Variants in LRRC2 observed in about 807,000 individuals in gnomAD.
LRRC2 encodes leucine rich repeat containing 2.
LRRC2 carries 27 observed loss-of-function variants against 40.2 expected under a neutral mutation model. The ratio of observed to expected loss-of-function variants is 0.67; its 90% CI spans 0.49 to 0.93. LRRC2 has a LOEUF of 0.93. LRRC2 is among the 40% of genes least tolerant of loss of function. The probability of loss-of-function intolerance (pLI) is 0.00; values close to 1 mark genes in which losing one functional copy is unlikely to be tolerated. For synonymous variants in LRRC2, 147 were observed against 158.9 expected, an observed-to-expected ratio of 0.92 and a Z score of 0.56; for missense variants, 402 against 439.6, an observed-to-expected ratio of 0.91 and a Z score of 0.76.
intron 3 of LRRC2, among the ~76,000 whole-genome samples, chr3:46,543,491 C>T (rs1238473762): frequency 6.6e-6 from 1 of 151,984 alleles, no homozygotes; most frequent in Non-Finnish European, 1.5e-5. Flanking sequence ...TGGCGGGTGC[C>T]TGTGGTCCCA....
chr3:46,519,146 A>C (rs187997330), intron 8 of LRRC2, 83 bp from the exon 9 acceptor site: 147 of 891,488 alleles, frequency 1.6e-4, no homozygotes, highest in Admixed American at 6.5e-4. Context: ...TACATAATGA[A>C]TGTATGTCAA....
chr3:46,521,501 T>A, intron 8 of LRRC2, 21 bp downstream of exon 8: 2 of 1,532,762 alleles, frequency 1.3e-6, no homozygotes. Flanking sequence ...TTTTAAATAA[T>A]TTTAAATATG....
At chr3:46,542,740 G>T (rs1410668815) in intron 3 of LRRC2, among the ~76,000 whole-genome samples, 1 of 152,188 alleles carries the variant, frequency 6.6e-6, no homozygotes, top group East Asian at 1.9e-4. Flanking sequence ...AAATTCTATT[G>T]CAGGGTTGGA....
intron 1 of LRRC2, among the ~76,000 whole-genome samples, chr3:46,561,126 C>T (rs915998884): frequency 6.6e-6 from 1 of 152,130 alleles, no homozygotes; most frequent in Non-Finnish European, 1.5e-5. Flanking sequence ...TCCCTGCTTG[C>T]CCCCAGAGAA....
rs76786885 is a variant in LRRC2, at chr3:46,561,030, A to G, written c.-20+5147T>C. ...CAGGGCTGAGAAAACTTGATGGTAA[A>G]TAATAGAGGTTTCCCAGGCCAATAA... On this transcript the variant is annotated intron_variant, in intron 1 of 8. Transcript: ENST00000395905. Among the ~76,000 whole-genome samples the G allele has an allele frequency of 3.6e-4, 55 of 152,332 alleles. No homozygotes were observed. The East Asian group carries it at 9.1e-3, about 25-fold the overall frequency.
chr3:46,546,736 T>TTTTTG (rs1704533649), intron 2 of LRRC2, among the ~76,000 whole-genome samples: 1 of 148,622 alleles, frequency 6.7e-6, no homozygotes, highest in East Asian at 2.0e-4. Context: ...TTTTTTTTTT[T>TTTTTG]GAGACAGAGT....
At chr3:46,553,680 G>A (rs1704717120) in intron 1 of LRRC2, among the ~76,000 whole-genome samples, 1 of 152,106 alleles carries the variant, frequency 6.6e-6, no homozygotes, top group Non-Finnish European at 1.5e-5. Flanking sequence ...TGGAAGCGGG[G>A]CCTCGCTATG....
In LRRC2 at chr3:46,533,976, C is replaced by T. The variant is rs569450996; in HGVS notation, c.491-1067G>A. Among the ~76,000 whole-genome samples, 14 of 149,544 alleles carry T rather than the reference C, an allele frequency of 9.4e-5. No individual in the cohort carries two copies. In the South Asian group the frequency reaches 1.1e-3, roughly 11 times the overall value. On this transcript the variant is annotated intron_variant, in intron 4 of 8. Coordinates refer to ENST00000395905, the MANE Select transcript of LRRC2 (RefSeq NM_024512.5). ...TGCAGAACATGCAGGTTTCTTATATCGGTATACGTGTGCCATGGTGGTTTG... is the reference window on the plus strand; with the variant it reads ...TGCAGAACATGCAGGTTTCTTATATTGGTATACGTGTGCCATGGTGGTTTG...
rs1354800138 is a variant in LRRC2, at chr3:46,521,568, A to C, written c.1020T>G (p.Phe340Leu). The C allele has an allele frequency of 6.2e-7, 1 of 1,612,974 alleles. No individual in the cohort carries two copies. Among genetic ancestry groups the C allele is most frequent in the Non-Finnish European group, 8.5e-7 (1 of 1,179,632 alleles). ...TATAGGCTTTCATAACTTCTTTATC[A>C]AAATGTTGGCGATCCCGTTCACTTT... is the stretch of plus-strand genomic sequence containing the variant. The part of the protein sequence containing the change: ...IMESERDRQH[F>L]DKEVMKAYIE... Residue 340 changes from phenylalanine to leucine, a missense_variant, in exon 8 of 9, where the codon TTT (phenylalanine) becomes TTG (leucine). Transcript: ENST00000395905.
rs751838089 is a variant in LRRC2, at chr3:46,539,045, C to A, written c.490G>T (p.Gly164Cys). Residue 164 changes from glycine to cysteine, a missense_variant and splice_region_variant, in exon 4 of 9, where the codon GGT becomes TGT. Physicochemically the swap from Gly to Cys is radical, Grantham distance 159. Transcript: ENST00000395905. ...GAAGACCCCTGCTAAGTTGACATAC[C>A]GATTTCTGCTGGAAGATGTGAGATT... is the stretch of plus-strand genomic sequence containing the variant. ...NQISHLPAEI[G>C]CLKNLKELNV... 1.2e-6 allele frequency: 2 copies of A among 1,613,266 alleles called. No individual in the cohort carries two copies. The highest frequency in any genetic ancestry group is 1.1e-5 in the South Asian group (1 of 90,962).
chr3:46,532,184 C>T (rs570403313), intron 5 of LRRC2, among the ~76,000 whole-genome samples: 1 of 152,250 alleles, frequency 6.6e-6, no homozygotes, highest in Admixed American at 6.5e-5. Context: ...TTAGAGACAA[C>T]AGGCATCTTA....
intron 4 of LRRC2, among the ~76,000 whole-genome samples, chr3:46,538,528 G>T (rs1198084388): frequency 6.6e-6 from 1 of 152,086 alleles, no homozygotes; most frequent in East Asian, 1.9e-4. Flanking sequence ...TAGCTACTTG[G>T]GAGGCTGAGG....
At chr3:46,537,825 C>T (rs935966607) in intron 4 of LRRC2, among the ~76,000 whole-genome samples, 3 of 152,240 alleles carry the variant, frequency 2.0e-5, no homozygotes, top group Non-Finnish European at 2.9e-5. Context: ...CCTGGTCCAA[C>T]ACAGCATACT....
rs369355200 is a variant in LRRC2, at chr3:46,519,033, G to A, written c.1097C>T (p.Ser366Phe). 53 of 1,609,534 alleles carry A rather than the reference G, an allele frequency of 3.3e-5. No individual in the cohort carries two copies. The highest frequency in any genetic ancestry group is 1.6e-4 in the Middle Eastern group (1 of 6,076). ...TGGATATCAAAGTTGAAGGCTAAAA[G>A]ACACTTTGGTGGTATAGCTGGGAAC... Reference protein sequence around the residue: ...ESVPSYTTKVSFSLQL With the variant: ...ESVPSYTTKVFFSLQL Residue 366 changes from serine to phenylalanine, a missense_variant, in exon 9 of 9, where the codon TCT (serine) becomes TTT (phenylalanine). Ser to Phe is a radical substitution (Grantham distance 155, BLOSUM62 -2). Transcript: ENST00000395905.
In LRRC2 at chr3:46,515,639, T is replaced by A. The variant is rs1703846760; in HGVS notation, c.*3375A>T. 6.6e-6 allele frequency: 1 copy of A among 152,212 alleles called. No individual in the cohort carries two copies. The highest frequency in any genetic ancestry group is 2.1e-4 in the South Asian group (1 of 4,838). The allele number at this position is 152,212 out of a possible 1,614,324, so 9.4% of individuals were successfully genotyped here. On this transcript the variant is annotated 3_prime_UTR_variant, in exon 9 of 9. Coordinates refer to ENST00000395905, the MANE Select transcript of LRRC2 (RefSeq NM_024512.5). ...TTTTGGGTTATTATGTAACATGAAA[T>A]AATTATATATCAATGCAGTATTTTT...
At chr3:46,533,023 A>ATTATGTTTAGTT in intron 4 of LRRC2, 114 bp from the exon 5 acceptor site, 1 of 1,116,488 alleles carries the variant, frequency 9.0e-7, no homozygotes, top group Non-Finnish European at 1.3e-6. Context: ...AAGGAACTAA[A>ATTATGTTTAGTT]CATAATTTAG....
intron 2 of LRRC2, among the ~76,000 whole-genome samples, chr3:46,548,632 A>G (rs533459417): frequency 8.7e-4 from 133 of 152,348 alleles, no homozygotes; most frequent in African/African-American, 3.1e-3. Flanking sequence ...GGAAACCACA[A>G]TCCCAGCCCA....
At chr3:46,541,417 A>G (rs972480675) in intron 3 of LRRC2, among the ~76,000 whole-genome samples, 1 of 152,160 alleles carries the variant, frequency 6.6e-6, no homozygotes, top group African/African-American at 2.4e-5. Flanking sequence ...AAAATGACAG[A>G]TTGAATGTAT....
At chr3:46,556,489 G>A (rs935103895) in intron 1 of LRRC2, among the ~76,000 whole-genome samples, 10 of 151,522 alleles carry the variant, frequency 6.6e-5, no homozygotes, top group African/African-American at 2.4e-4. Context: ...ATTTTGGGTG[G>A]GATTATCCTG....
Sources: allele counts gnomAD v4.1 joint callset (sites outside exome capture counted in the v4.1 genomes callset), GRCh38; gene constraint gnomAD v4.1.1; transcripts MANE v1.5; gene names NCBI Gene and HGNC (gene_info 2026-07-23, HGNC 2026-07-21).